TRAPPC9: variants seen among roughly 807,000 people sequenced by gnomAD.
The protein encoded by TRAPPC9 is trafficking protein particle complex subunit 9.
TRAPPC9 carries 83 observed loss-of-function variants against 124.0 expected under a neutral mutation model. That is an observed-to-expected ratio of 0.67 (90% CI 0.56 to 0.80). The LOEUF (loss-of-function observed/expected upper bound fraction) is 0.80. TRAPPC9 is among the 30% of genes least tolerant of loss of function. The pLI, the probability that TRAPPC9 is intolerant of heterozygous loss-of-function variation, is 0.00. For missense variants in TRAPPC9, 1,302 were observed against 1,508.3 expected, an observed-to-expected ratio of 0.86 and a Z score of 2.27; for synonymous variants, 638 against 617.5, an observed-to-expected ratio of 1.03 and a Z score of -0.49.
chr8:139,944,264 T>C (rs1834078381), intron 19 of TRAPPC9, among the ~76,000 whole-genome samples: 1 of 152,296 alleles, frequency 6.6e-6, no homozygotes, highest in African/African-American at 2.4e-5. Flanking sequence ...CAGATGGAAA[T>C]GAAACTTGGC....
chr8:140,252,674 G>A lies in TRAPPC9; in HGVS notation c.2431+103C>T. The A allele has an allele frequency of 7.2e-7, 1 of 1,390,926 alleles. No individual in the cohort carries two copies. Among genetic ancestry groups the A allele is most frequent in the Non-Finnish European group, 1.0e-6 (1 of 992,160 alleles). The allele number at this position is 1,390,926 out of a possible 1,614,324, so 86.2% of individuals were successfully genotyped here. A position where few individuals can be genotyped will look rare whatever the true frequency, so the allele number is the denominator to read the frequency against. On this transcript the variant is annotated intron_variant, in intron 16 of 22. Transcript: ENST00000438773. The surrounding 1 kb of genome is among the most constrained non-coding windows in gnomAD (Gnocchi z 4.2). ...TCTCAGGCAGCTTGAGTTAATGAAT[G>A]ACAAGTGAGTTACAAACAGCAAACA...
At chr8:140,175,619 T>C (rs1035412248) in intron 17 of TRAPPC9, among the ~76,000 whole-genome samples, 1 of 152,182 alleles carries the variant, frequency 6.6e-6, no homozygotes, top group South Asian at 2.1e-4. Flanking sequence ...GTGCAGACAA[T>C]AGCTGAAGAT....
At chr8:140,398,225 C>T (rs2069151875) in intron 6 of TRAPPC9, among the ~76,000 whole-genome samples, 1 of 152,158 alleles carries the variant, frequency 6.6e-6, no homozygotes, top group Admixed American at 6.5e-5. Context: ...ATGTCTTTAT[C>T]AGCAGCATGA....
chr8:139,766,936 G>A (rs147618924), intron 21 of TRAPPC9, among the ~76,000 whole-genome samples: 309 of 152,310 alleles, frequency 2.0e-3, no homozygotes, highest in African/African-American at 6.7e-3. Flanking sequence ...GCTCTCTTGC[G>A]TCCTCACCTG....
At chr8:140,208,234 C>G (rs2062973354) in intron 17 of TRAPPC9, among the ~76,000 whole-genome samples, 3 of 152,098 alleles carry the variant, frequency 2.0e-5, no homozygotes, top group Admixed American at 2.0e-4. Flanking sequence ...TGCTGAGGCA[C>G]CCCAAACTAA....
At chr8:139,896,949 G>A (rs1409548518) in intron 20 of TRAPPC9, among the ~76,000 whole-genome samples, 4 of 152,234 alleles carry the variant, frequency 2.6e-5, no homozygotes, top group Non-Finnish European at 5.9e-5. Flanking sequence ...CCTCTCAGGA[G>A]ACAGAGATGA....
At chr8:139,773,253 T>G (rs1821110831) in intron 21 of TRAPPC9, among the ~76,000 whole-genome samples, 1 of 152,248 alleles carries the variant, frequency 6.6e-6, no homozygotes, top group African/African-American at 2.4e-5. Flanking sequence ...CCGATGGCTC[T>G]AACAGGTTTC....
At chr8:140,423,046 A>G (rs1315560057) in intron 5 of TRAPPC9, among the ~76,000 whole-genome samples, 2 of 152,238 alleles carry the variant, frequency 1.3e-5, no homozygotes, top group African/African-American at 4.8e-5. Context: ...AAAGTGGTAC[A>G]GCCACTTTGG....
chr8:140,313,654 C>T (rs1379525110), intron 9 of TRAPPC9, among the ~76,000 whole-genome samples: 1 of 152,138 alleles, frequency 6.6e-6, no homozygotes, highest in African/African-American at 2.4e-5. Context: ...TCCCCATGAG[C>T]GTAGCAGGGC....
intron 7 of TRAPPC9, among the ~76,000 whole-genome samples, chr8:140,396,551 C>T (rs1437856842): frequency 2.0e-5 from 3 of 150,494 alleles, no homozygotes; most frequent in African/African-American, 7.3e-5. Flanking sequence ...TCTTCCTCTC[C>T]CTCCCTCCCT....
intron 19 of TRAPPC9, among the ~76,000 whole-genome samples, chr8:139,969,816 C>A (rs1261170913): frequency 6.6e-6 from 1 of 152,196 alleles, no homozygotes; most frequent in African/African-American, 2.4e-5. Flanking sequence ...GCTAATAGAT[C>A]TGGAGTTAAT....
intron 17 of TRAPPC9, among the ~76,000 whole-genome samples, chr8:140,149,836 C>T (rs1050964990): frequency 3.9e-4 from 3 of 7,672 alleles, no homozygotes; most frequent in African/African-American, 3.4e-3. Context: ...AGTACGAGTG[C>T]GAGCAGTGGA....
At chr8:139,939,363 G>C (rs545074579) in intron 19 of TRAPPC9, among the ~76,000 whole-genome samples, 2 of 152,346 alleles carry the variant, frequency 1.3e-5, no homozygotes, top group South Asian at 4.1e-4. Context: ...CAGCACCTGA[G>C]AGGGGGCCGG....
intron 17 of TRAPPC9, among the ~76,000 whole-genome samples, chr8:140,160,923 G>A (rs1490157623): frequency 3.3e-5 from 5 of 152,138 alleles, no homozygotes; most frequent in South Asian, 2.1e-4. Flanking sequence ...AAACAAGAGC[G>A]AGATTCCTAA....
intron 21 of TRAPPC9, among the ~76,000 whole-genome samples, chr8:139,843,919 T>C (rs532556241): frequency 1.3e-5 from 2 of 152,378 alleles, no homozygotes; most frequent in African/African-American, 4.8e-5. Flanking sequence ...CTGCTGCAGC[T>C]GATGAGCTGC....
intron 5 of TRAPPC9, among the ~76,000 whole-genome samples, chr8:140,422,308 G>A (rs2070245243): frequency 6.6e-6 from 1 of 151,764 alleles, no homozygotes; most frequent in African/African-American, 2.4e-5. Context: ...AAAAGCACAG[G>A]AACAAAGAAA....
chr8:139,750,979 G>A (rs566510375), intron 21 of TRAPPC9, among the ~76,000 whole-genome samples: 83 of 152,296 alleles, frequency 5.4e-4, no homozygotes, highest in African/African-American at 1.9e-3. Context: ...GGAGTCTCTG[G>A]CCCACCCCAA....
At chr8:140,455,494 G>A (rs560785897) in intron 1 of TRAPPC9, among the ~76,000 whole-genome samples, 5 of 151,270 alleles carry the variant, frequency 3.3e-5, no homozygotes, top group Non-Finnish European at 5.9e-5. Flanking sequence ...GCAGTGGCGC[G>A]ATCTCGGCTC....
At chr8:139,876,636 G>C (rs1206106901) in intron 21 of TRAPPC9, among the ~76,000 whole-genome samples, 4 of 152,190 alleles carry the variant, frequency 2.6e-5, no homozygotes, top group African/African-American at 9.7e-5. Flanking sequence ...ACAGTGCCTG[G>C]TGCAGAGTAG....
Sources: gnomAD v4.1 joint callset for allele counts (sites outside exome capture counted in the v4.1 genomes callset) on GRCh38, gnomAD v4.1.1 for gene constraint, Gnocchi (gnomAD v3.1) non-coding constraint, MANE v1.5 for transcripts, NCBI Gene and HGNC (gene_info 2026-07-23, HGNC 2026-07-21) for gene names.